PRKCE: variants seen among roughly 807,000 people sequenced by gnomAD.
The protein encoded by PRKCE is protein kinase C epsilon type.
In PRKCE, 16 loss-of-function variants were observed where a neutral mutation model predicts 85.4. That is an observed-to-expected ratio of 0.19 (90% CI 0.13 to 0.28). The LOEUF is 0.28. Ranked by LOEUF, PRKCE falls within the 10% of genes least tolerant of loss-of-function variation. The pLI is 1.00. For synonymous variants in PRKCE, 388 were observed against 371.5 expected (o/e 1.04, Z -0.51); for missense variants, 573 against 975.2 (o/e 0.59, Z 5.49).
chr2:45,986,194 A>G (rs1703308471), intron 6 of PRKCE, among the ~76,000 whole-genome samples: 1 of 152,268 alleles, frequency 6.6e-6, no homozygotes, highest in Non-Finnish European at 1.5e-5. Context: ...ATTTAAGATA[A>G]GACACGAAAC....
rs148817377 is a variant in PRKCE at position 46,112,624 on chromosome 2, T to A, written c.1592+26262T>A. 8.6e-3 allele frequency among the ~76,000 whole-genome samples: 1,305 copies of A among 152,172 alleles called. 18 individuals carry two copies. Among genetic ancestry groups the A allele is most frequent in the African/African-American group, 0.031 (1,268 of 41,494 alleles). The stretch of plus-strand genomic sequence containing the variant: ...GCCTCCACCACCCGGGTTCAGGCAA[T>A]TCTCATGCCTCAGCCACCCCAAGTA... On this transcript the variant is annotated intron_variant, in intron 11 of 14. Coordinates refer to ENST00000306156, the MANE Select transcript of PRKCE (RefSeq NM_005400.3).
intron 10 of PRKCE, among the ~76,000 whole-genome samples, chr2:46,081,257 G>A (rs1363874051): frequency 6.6e-6 from 1 of 152,214 alleles, no homozygotes; most frequent in Non-Finnish European, 1.5e-5. Context: ...TCACAGGCAT[G>A]AGCCACCACA....
intron 1 of PRKCE, among the ~76,000 whole-genome samples, chr2:45,766,231 A>C (rs1301278339): frequency 6.6e-6 from 1 of 152,182 alleles, no homozygotes; most frequent in Non-Finnish European, 1.5e-5. Flanking sequence ...ATTTCAGGGC[A>C]AGATAATCGA....
chr2:45,660,646 C>A (rs1235131660), intron 1 of PRKCE, among the ~76,000 whole-genome samples: 1 of 152,184 alleles, frequency 6.6e-6, no homozygotes, highest in East Asian at 1.9e-4. Context: ...AGGGGTTTCA[C>A]TTAGGCTAAA....
At chr2:45,886,978 A>C (rs1193789321) in intron 2 of PRKCE, among the ~76,000 whole-genome samples, 3 of 152,202 alleles carry the variant, frequency 2.0e-5, no homozygotes, top group Non-Finnish European at 4.4e-5. Flanking sequence ...CACTAGCCTC[A>C]CGTGGCAGAA....
At chr2:45,878,544 G>A (rs552091273) in intron 2 of PRKCE, among the ~76,000 whole-genome samples, 1 of 152,156 alleles carries the variant, frequency 6.6e-6, no homozygotes, top group South Asian at 2.1e-4. Flanking sequence ...GTGACTCCCT[G>A]GGTTCTCACT....
chr2:45,906,498 A>G (rs532632238), intron 2 of PRKCE, among the ~76,000 whole-genome samples: 1 of 152,352 alleles, frequency 6.6e-6, no homozygotes, highest in Admixed American at 6.5e-5. Context: ...GGTGCTATGC[A>G]TGGCTCTAAT....
intron 11 of PRKCE, among the ~76,000 whole-genome samples, chr2:46,094,734 G>C (rs1026246706): frequency 6.6e-6 from 1 of 151,616 alleles, no homozygotes; most frequent in Admixed American, 6.6e-5. Flanking sequence ...AGACCACCAT[G>C]GCATGCATTT....
intron 10 of PRKCE, among the ~76,000 whole-genome samples, chr2:46,035,906 G>A (rs554910051): frequency 7.2e-4 from 110 of 152,340 alleles, no homozygotes; most frequent in African/African-American, 2.6e-3. Context: ...TCAAGTAGTG[G>A]CAGAAAGGCA....
At chr2:46,103,506 T>A (rs1671429988) in intron 11 of PRKCE, among the ~76,000 whole-genome samples, 1 of 152,212 alleles carries the variant, frequency 6.6e-6, no homozygotes, top group African/African-American at 2.4e-5. Flanking sequence ...ACATAACTCA[T>A]GTATAATACA....
chr2:45,829,077 T>G (rs1459234800), intron 1 of PRKCE, among the ~76,000 whole-genome samples: 1 of 152,172 alleles, frequency 6.6e-6, no homozygotes, highest in Non-Finnish European at 1.5e-5. Context: ...ATGCTACAAT[T>G]TATTTAAATA....
chr2:45,755,401 G>C (rs1012263541), intron 1 of PRKCE, among the ~76,000 whole-genome samples: 1 of 152,184 alleles, frequency 6.6e-6, no homozygotes, highest in African/African-American at 2.4e-5. Flanking sequence ...ATCTGAGGTG[G>C]TCCTGAGTGT....
intron 1 of PRKCE, among the ~76,000 whole-genome samples, chr2:45,796,346 C>T (rs1296869554): frequency 6.6e-6 from 1 of 152,194 alleles, no homozygotes. Context: ...TTAATTTTCT[C>T]ATGTGTCAAC....
In PRKCE at chr2:45,692,892, G is replaced by A. The variant is rs142740625; in HGVS notation, c.348+40444G>A. ...AATTTTAGTTGTAGAGAAGTGAGCC[G>A]TGCAGGGTGTTTCAAGCTGAACCTG... On this transcript the variant is annotated intron_variant, in intron 1 of 14. Coordinates refer to ENST00000306156, the MANE Select transcript of PRKCE (RefSeq NM_005400.3). 3.3e-3 allele frequency among the ~76,000 whole-genome samples: 499 copies of A among 152,290 alleles called. 5 individuals are homozygous for A. The highest frequency in any genetic ancestry group is 6.8e-3 in the Middle Eastern group (2 of 294).
rs142911574 is a variant in PRKCE at position 46,043,333 on chromosome 2, C to T, written c.1437+32816C>T. ...ACTCAGAGCTCGTTTGGACTTCTTA[C>T]AGTCATGCTTATATGGCAAGACAAA... On this transcript the variant is annotated intron_variant, in intron 10 of 14. Transcript: ENST00000306156. Among the ~76,000 whole-genome samples, 11 of 152,288 alleles carry T rather than the reference C, an allele frequency of 7.2e-5. No homozygotes were observed. In the East Asian group the frequency reaches 1.7e-3, roughly 24 times the overall value.
intron 2 of PRKCE, among the ~76,000 whole-genome samples, chr2:45,961,184 A>G (rs759024522): frequency 6.6e-6 from 1 of 152,148 alleles, no homozygotes; most frequent in East Asian, 1.9e-4. Flanking sequence ...GCTTCTCTCC[A>G]TAGGCAGGAG....
intron 11 of PRKCE, among the ~76,000 whole-genome samples, chr2:46,104,459 A>T (rs1227906423): frequency 6.6e-6 from 1 of 152,058 alleles, no homozygotes; most frequent in Admixed American, 6.6e-5. Flanking sequence ...TAGAACAAGG[A>T]TGGCATCTTC....
intron 1 of PRKCE, among the ~76,000 whole-genome samples, chr2:45,769,562 A>G (rs568309179): frequency 2.6e-5 from 4 of 152,280 alleles, no homozygotes; most frequent in Admixed American, 2.0e-4. Context: ...ACCATTTTTC[A>G]TCCAGAGACT....
chr2:45,935,177 T>C (rs1209541263), intron 2 of PRKCE, among the ~76,000 whole-genome samples: 1 of 152,212 alleles, frequency 6.6e-6, no homozygotes, highest in East Asian at 1.9e-4. Context: ...ATTGGCCTTC[T>C]GTTATTGGCA....
Sources: allele counts gnomAD v4.1 joint callset (sites outside exome capture counted in the v4.1 genomes callset), GRCh38; gene constraint gnomAD v4.1.1; transcripts MANE v1.5; gene names NCBI Gene and HGNC (gene_info 2026-07-23, HGNC 2026-07-21).